MAP1S: variants seen among roughly 807,000 people sequenced by gnomAD.
MAP1S encodes the protein microtubule associated protein 1S.
A neutral mutation model predicts 60.9 loss-of-function variants in MAP1S; 27 were observed. The observed-to-expected ratio is 0.44, with a 90% CI of 0.33 to 0.61. The LOEUF is 0.61. Ranked by LOEUF, MAP1S falls within the 20% of genes least tolerant of loss-of-function variation. The pLI is 0.03. For synonymous variants in MAP1S, 826 were observed against 694.2 expected (o/e 1.19, Z -2.98); for missense variants, 1,608 against 1,486.6 (o/e 1.08, Z -1.34).
chr19:17,728,239 C>T, intron 5 of MAP1S, 67 bp downstream of exon 5: 1 of 1,463,868 alleles, frequency 6.8e-7, no homozygotes, highest in Non-Finnish European at 9.1e-7. Flanking sequence ...ATAGCTCGTC[C>T]CCCTGTTTTT....
chr19:17,734,266 C>T lies in MAP1S; in HGVS notation c.3025-7C>T, dbSNP rs2080519130. ...ACTCTCCCCACACACCCCCCCTCCA[C>T]CTGCAGGTGACCCTGATCCCCACTT... On this transcript the variant is annotated splice_polypyrimidine_tract_variant and splice_region_variant and intron_variant, in intron 6 of 6. Transcript: ENST00000324096. 2 of 1,609,428 alleles carry T rather than the reference C, an allele frequency of 1.2e-6. No individual in the cohort carries two copies. Among genetic ancestry groups the T allele is most frequent in the South Asian group, 1.1e-5 (1 of 90,746 alleles).
chr19:17,725,018 C>CG lies in MAP1S; in HGVS notation c.304-28dup. The CG allele has an allele frequency of 6.2e-7, 1 of 1,614,024 alleles. No individual in the cohort carries two copies. The highest frequency in any genetic ancestry group is 8.5e-7 in the Non-Finnish European group (1 of 1,179,964). ...CTGCTGGATACGTCACTGCACAGAACGGGTCCTTTAGTGTTCACCCCCTCC... is the reference window on the plus strand; with the variant it reads ...CTGCTGGATACGTCACTGCACAGAACGGGGTCCTTTAGTGTTCACCCCCTCC... On this transcript the variant is annotated intron_variant, in intron 3 of 6. Transcript: ENST00000324096. This position sits in a 1 kb window ranked among gnomAD's most constrained non-coding sequence, Gnocchi z 4.2.
intron 1 of MAP1S, 98 bp from the exon 2 acceptor site, chr19:17,720,838 G>A (rs143431324): frequency 4.4e-6 from 4 of 902,986 alleles, no homozygotes; most frequent in African/African-American, 3.2e-5. Flanking sequence ...AAGGGAGGAG[G>A]CTGGGGCGCT....
rs900402071 is a variant in MAP1S at position 17,733,221 on chromosome 19, A to G, written c.2817A>G (p.Ser939=). The stretch of plus-strand genomic sequence containing the variant: ...CAGCCAGCAGCCGGCCCGGGGTGTC[A>G]GCCACCCCACCCAAGTCCCCGGTCT... ...SGSASSRPGV[S]ATPPKSPVYL... is the part of the protein sequence containing the mutation. Residue 939 remains serine, a synonymous_variant, in exon 6 of 7, where the codon TCA becomes TCG. Coordinates refer to ENST00000324096, the MANE Select transcript of MAP1S (RefSeq NM_018174.6). 1 of 1,543,830 alleles carries G rather than the reference A, an allele frequency of 6.5e-7. No individual in the cohort carries two copies.
Position 17,727,786 on chromosome 19 carries a change from C to G in MAP1S, c.2402C>G (p.Pro801Arg), listed in dbSNP as rs1182128928. The change falls in exon 5 of 7, where the codon CCC becomes CGC. Residue 801 changes from proline to arginine, a missense_variant. Physicochemically the swap from Pro to Arg is moderately radical, Grantham distance 103. This residue lies in a region of MAP1S where 1,167 missense variants were observed against 961.4 expected (regional missense o/e 1.21). Transcript: ENST00000324096. This position sits in a 1 kb window ranked among gnomAD's most constrained non-coding sequence, Gnocchi z 4.1. ...LPTLSDSDPV[P>R]LAPGAADSDE... ...ACCCTGTCTGACTCGGATCCCGTGC[C>G]CCTGGCCCCCGGTGCGGCAGACTCA... The G allele has an allele frequency of 1.2e-6, 2 of 1,611,770 alleles. No individual in the cohort carries two copies. Among genetic ancestry groups the G allele is most frequent in the African/African-American group, 1.3e-5 (1 of 74,808 alleles).
Position 17,734,410 on chromosome 19 carries a change from C to T in MAP1S, c.3162C>T (p.Ala1054=). The change falls in exon 7 of 7, where the codon GCC becomes GCT. Residue 1054 remains alanine (A), a synonymous_variant. Coordinates refer to ENST00000324096, the MANE Select transcript of MAP1S (RefSeq NM_018174.6). The part of the protein sequence containing the change: ...MVSMQDDAFP[A]CKVEF ...CCATGCAGGATGACGCCTTCCCGGC[C>T]TGCAAGGTGGAGTTCTAGCCCCATC... The T allele has an allele frequency of 6.2e-7, 1 of 1,612,622 alleles. No homozygotes were observed. Among genetic ancestry groups the T allele is most frequent in the South Asian group, 1.1e-5 (1 of 91,058 alleles).
Position 17,725,940 on chromosome 19 carries a change from C to A in MAP1S, c.556C>A (p.Gln186Lys). The change falls in exon 5 of 7, where the codon CAG becomes AAG. Residue 186 changes from glutamine (Q) to lysine (K), a missense_variant. By Grantham distance (53) the Gln-to-Lys change is moderately conservative. Around this residue, in one of 4 missense-constraint regions of MAP1S, gnomAD observed 320 missense variants for 393.1 expected, o/e 0.81. Transcript: ENST00000324096. The surrounding 1 kb of genome is among the most constrained non-coding windows in gnomAD (Gnocchi z 4.2). Reference sequence around the variant, plus strand: ...GCTGGCACCCGCTGTGCCTGGCCTTCAGGGGGCGCTCCGGCTCCAGCTGCG... The same window carrying A: ...GCTGGCACCCGCTGTGCCTGGCCTTAAGGGGGCGCTCCGGCTCCAGCTGCG... ...AQLAPAVPGL[Q>K]GALRLQLRLN... 6.2e-7 allele frequency: 1 copy of A among 1,613,548 alleles called. No individual in the cohort carries two copies. The highest frequency in any genetic ancestry group is 8.5e-7 in the Non-Finnish European group (1 of 1,179,852).
chr19:17,729,714 G>GT (rs2080476026), intron 5 of MAP1S, among the ~76,000 whole-genome samples: 1 of 152,112 alleles, frequency 6.6e-6, no homozygotes. Flanking sequence ...CCAGGCTGGA[G>GT]TGCAGTGGTG....
chr19:17,732,912 C>T (rs548699417), intron 5 of MAP1S: 68 of 441,682 alleles, frequency 1.5e-4, no homozygotes, highest in African/African-American at 1.1e-3. Context: ...GGAGTCAAGG[C>T]GTGGTGACAT....
At chr19:17,724,011 G>A (rs1244372771) in intron 2 of MAP1S, 115 bp from the exon 3 acceptor site, 14 of 726,226 alleles carry the variant, frequency 1.9e-5, no homozygotes, top group East Asian at 2.7e-5. Flanking sequence ...CAGCTCTGCC[G>A]TGCGCCTGTT....
chr19:17,719,534 C>T lies in MAP1S; in HGVS notation c.32C>T (p.Ala11Val), dbSNP rs1221729198. 5 of 1,245,936 alleles carry T rather than the reference C, an allele frequency of 4.0e-6. No homozygotes were observed. Among genetic ancestry groups the T allele is most frequent in the South Asian group, 8.2e-5 (2 of 24,364 alleles). 77.2% of individuals were successfully genotyped at this position (1,245,936 alleles called of 1,614,324 possible). Residue 11 changes from alanine (A) to valine (V), a missense_variant, in exon 1 of 7, where the codon GCG (alanine) becomes GTG (valine). Ala to Val is a moderately conservative substitution (Grantham distance 64). This residue lies in a region of MAP1S where 45 missense variants were observed against 22.0 expected (regional missense o/e 2.04). Coordinates refer to ENST00000324096, the MANE Select transcript of MAP1S (RefSeq NM_018174.6). ...GCGGTGGCTGGATCTGGGGCTGCCG[C>T]GGCTCCGAGCTCACTGCTCCTCGTG... is the stretch of plus-strand genomic sequence containing the variant. MAAVAGSGAA[A>V]APSSLLLVVG...
chr19:17,728,740 G>C (rs958052202), intron 5 of MAP1S: 1 of 152,186 alleles, frequency 6.6e-6, no homozygotes, highest in Admixed American at 6.6e-5. Flanking sequence ...ATTTTTAGTA[G>C]AGTTGGGGTT....
intron 3 of MAP1S, 114 bp from the exon 4 acceptor site, chr19:17,724,935 T>A (rs761488699): frequency 7.4e-7 from 1 of 1,348,116 alleles, no homozygotes; most frequent in Non-Finnish European, 1.1e-6. Flanking sequence ...GGGCTGGTCG[T>A]GGGGTGAGGA....
chr19:17,723,307 G>A (rs1253418411), intron 2 of MAP1S, among the ~76,000 whole-genome samples: 1 of 152,190 alleles, frequency 6.6e-6, no homozygotes, highest in Non-Finnish European at 1.5e-5. Context: ...AGCACTTTGG[G>A]AGGCCGAGGC....
At chr19:17,731,421 T>C (rs1358850755) in intron 5 of MAP1S, among the ~76,000 whole-genome samples, 1 of 152,188 alleles carries the variant, frequency 6.6e-6, no homozygotes, top group Non-Finnish European at 1.5e-5. Flanking sequence ...AGCATACATG[T>C]GATGATTTAT....
In MAP1S at chr19:17,728,056, G is replaced by A; in HGVS notation, c.2672G>A (p.Gly891Asp). 1 of 1,612,512 alleles carries A rather than the reference G, an allele frequency of 6.2e-7. No individual in the cohort carries two copies. The highest frequency in any genetic ancestry group is 8.5e-7 in the Non-Finnish European group (1 of 1,179,812). ...GCTGCCAAAACCAAGGGGCTTGCTG[G>A]TGGGGACCGTGCCAGCCGACCACTC... ...VAAAKTKGLA[G>D]GDRASRPLSA... Residue 891 changes from glycine to aspartate, a missense_variant, in exon 5 of 7, where the codon GGT becomes GAT. By Grantham distance (94) the Gly-to-Asp change is moderately conservative. This residue lies in a region of MAP1S where 1,167 missense variants were observed against 961.4 expected (regional missense o/e 1.21). Coordinates refer to ENST00000324096, the MANE Select transcript of MAP1S (RefSeq NM_018174.6).
intron 2 of MAP1S, among the ~76,000 whole-genome samples, chr19:17,722,848 G>A (rs2097518753): frequency 6.6e-6 from 1 of 151,982 alleles, no homozygotes; most frequent in South Asian, 2.1e-4. Context: ...AAGGGCGAGA[G>A]AGAGAGAAAG....
Position 17,726,257 on chromosome 19 carries a change from C to T in MAP1S, c.873C>T (p.Thr291=), listed in dbSNP as rs377651005. 1.7e-5 allele frequency: 28 copies of T among 1,606,994 alleles called. No homozygotes were observed. Among genetic ancestry groups the T allele is most frequent in the Non-Finnish European group, 2.1e-5 (25 of 1,177,434 alleles). ...ACCGCGTGGATGCCGTGCTGGTGAC[C>T]CACCCTGGCGCCGACAGCCTCCCCG... ...HLDRVDAVLV[T]HPGADSLPGL... Residue 291 remains threonine, a synonymous_variant, in exon 5 of 7, where the codon ACC becomes ACT. Coordinates refer to ENST00000324096, the MANE Select transcript of MAP1S (RefSeq NM_018174.6).
Position 17,727,730 on chromosome 19 carries a change from G to A in MAP1S, c.2346G>A (p.Thr782=), listed in dbSNP as rs1320627663. 1 of 1,605,648 alleles carries A rather than the reference G, an allele frequency of 6.2e-7. No individual in the cohort carries two copies. The highest frequency in any genetic ancestry group is 8.5e-7 in the Non-Finnish European group (1 of 1,176,188). Residue 782 remains threonine (T), a synonymous_variant, in exon 5 of 7, where the codon ACG becomes ACA. Transcript: ENST00000324096. The surrounding 1 kb of genome is among the most constrained non-coding windows in gnomAD (Gnocchi z 4.1). ...CAGGTGGGCTGGGGGCCGAGGAGACGCCACCCACATCGGTCAGCGAGTCCC... is the reference window on the plus strand; with the variant it reads ...CAGGTGGGCTGGGGGCCGAGGAGACACCACCCACATCGGTCAGCGAGTCCC... ...ERAGGLGAEE[T]PPTSVSESLP...
Sources: allele counts gnomAD v4.1 joint callset (sites outside exome capture counted in the v4.1 genomes callset), GRCh38; gene constraint gnomAD v4.1.1; regional missense constraint gnomAD v4.1.1; non-coding constraint Gnocchi (gnomAD v3.1); transcripts MANE v1.5; gene names NCBI Gene and HGNC (gene_info 2026-07-23, HGNC 2026-07-21).